The following SSBP3 variants were observed in gnomAD, a reference collection of about 807,000 sequenced individuals.
SSBP3 encodes single-stranded DNA-binding protein 3.
In SSBP3, 5 loss-of-function variants were observed where a neutral mutation model predicts 69.6. The observed-to-expected ratio is 0.07, with a 90% CI of 0.04 to 0.15. The LOEUF (loss-of-function observed/expected upper bound fraction) is 0.15. Among genes scored for constraint, SSBP3 ranks in the 10% least tolerant of loss-of-function variants. The pLI is 1.00. For missense variants in SSBP3, 312 were observed against 534.0 expected (o/e 0.58, Z 4.10); for synonymous variants, 196 against 193.4 (o/e 1.01, Z -0.11).
chr1:54,382,852 GCGC>G (rs901416031), intron 4 of SSBP3, among the ~76,000 whole-genome samples: 1 of 152,070 alleles, frequency 6.6e-6, no homozygotes, highest in Non-Finnish European at 1.5e-5. Flanking sequence ...GGGCATGGTG[GCGC>G]CTGCCTGCAA....
chr1:54,342,008 C>T (rs1381438997), intron 4 of SSBP3, among the ~76,000 whole-genome samples: 3 of 152,166 alleles, frequency 2.0e-5, no homozygotes, highest in Non-Finnish European at 4.4e-5. Context: ...GTCAGGGCTA[C>T]GAAGGCAGGC....
intron 4 of SSBP3, among the ~76,000 whole-genome samples, chr1:54,394,695 CTTTTTTTT>C (rs544898836): frequency 3.1e-5 from 3 of 97,154 alleles, no homozygotes; most frequent in African/African-American, 9.0e-5. Context: ...CTTAAGACTC[CTTTTTTTT>C]TTTTTTTTTT....
At chr1:54,316,849 C>T (rs1486052735) in intron 4 of SSBP3, among the ~76,000 whole-genome samples, 1 of 152,066 alleles carries the variant, frequency 6.6e-6, no homozygotes, top group East Asian at 1.9e-4. Flanking sequence ...TCAAGGCACT[C>T]GCAAATTTGG....
At chr1:54,397,687 T>G (rs1387646947) in intron 4 of SSBP3, among the ~76,000 whole-genome samples, 2 of 152,112 alleles carry the variant, frequency 1.3e-5, no homozygotes. Context: ...GTCATGGAAC[T>G]CCATGTCCAT....
intron 4 of SSBP3, among the ~76,000 whole-genome samples, chr1:54,385,102 G>A (rs1185980823): frequency 6.6e-6 from 1 of 152,210 alleles, no homozygotes; most frequent in Non-Finnish European, 1.5e-5. Flanking sequence ...CCTGAGCGCA[G>A]ATCCCTAGAT....
rs527734309 is a variant in SSBP3 at position 54,258,261 on chromosome 1, CG to C, written c.367-113del. ...AAACGAAGGGTGGGCGGCGGGCGTGCGGGGGGGTGGGCTCTGGTTGGTGGGA... is the reference window on the plus strand; with the variant it reads ...AAACGAAGGGTGGGCGGCGGGCGTGCGGGGGGTGGGCTCTGGTTGGTGGGA... On this transcript the variant is annotated intron_variant, in intron 5 of 17. Coordinates refer to ENST00000610401, the Ensembl canonical transcript of SSBP3. The surrounding 1 kb of genome is among the most constrained non-coding windows in gnomAD (Gnocchi z 4.5). 12 of 149,754 alleles carry C rather than the reference CG, an allele frequency of 8.0e-5. No homozygotes were observed. The highest frequency in any genetic ancestry group is 9.3e-5 in the Non-Finnish European group (7 of 75,628). 9.3% of individuals were successfully genotyped at this position (149,754 alleles called of 1,614,324 possible).
chr1:54,354,536 A>T (rs543648066), intron 4 of SSBP3, among the ~76,000 whole-genome samples: 60 of 152,172 alleles, frequency 3.9e-4, no homozygotes, highest in African/African-American at 1.3e-3. Flanking sequence ...CGGCGTTCAC[A>T]TCTAACGTGG....
intron 4 of SSBP3, among the ~76,000 whole-genome samples, chr1:54,289,023 AAAAAAAAAAAAAACAAAAAAAC>A (rs1451615097): frequency 2.6e-4 from 22 of 85,588 alleles, no homozygotes; most frequent in African/African-American, 1.1e-3. Context: ...CTGTCTCCAA[AAAAAAAAAAAAAACAAAAAAAC>A]AAAAAAAAAA....
intron 5 of SSBP3, among the ~76,000 whole-genome samples, chr1:54,276,473 T>C (rs907894149): frequency 1.3e-5 from 2 of 151,794 alleles, no homozygotes; most frequent in African/African-American, 2.4e-5. Context: ...TAGCCGGGCA[T>C]GGTGGTGAGC....
At chr1:54,375,051 A>C (rs1320456006) in intron 4 of SSBP3, among the ~76,000 whole-genome samples, 2 of 152,078 alleles carry the variant, frequency 1.3e-5, no homozygotes, top group Admixed American at 6.5e-5. Flanking sequence ...GCAGTAGAGG[A>C]GGCTGGGCCA....
intron 5 of SSBP3, among the ~76,000 whole-genome samples, chr1:54,267,014 A>C (rs1376195573): frequency 6.6e-6 from 1 of 152,208 alleles, no homozygotes; most frequent in Non-Finnish European, 1.5e-5. Flanking sequence ...GCCAGCACAA[A>C]TATTCTGGGA....
rs186592289 is a variant in SSBP3 at position 54,240,275 on chromosome 1, T to C, written c.856+630A>G. On this transcript the variant is annotated intron_variant, in intron 13 of 17. Coordinates refer to ENST00000610401, the Ensembl canonical transcript of SSBP3. ...GGAGTTCAAGGCCAGCCTGGGTACA[T>C]GGTGAAACCCCATCTCTACTAAAAA... is the stretch of plus-strand genomic sequence containing the variant. Among the ~76,000 whole-genome samples, 105 of 148,518 alleles carry C rather than the reference T, an allele frequency of 7.1e-4. 2 individuals are homozygous for C. In the East Asian group the frequency reaches 0.018, roughly 26 times the overall value.
intron 4 of SSBP3, among the ~76,000 whole-genome samples, chr1:54,347,150 T>G (rs1305370603): frequency 6.6e-6 from 1 of 152,088 alleles, no homozygotes; most frequent in East Asian, 1.9e-4. Flanking sequence ...AATTTTTACA[T>G]AGAGATGGGG....
intron 5 of SSBP3, among the ~76,000 whole-genome samples, chr1:54,276,037 G>A (rs758197195): frequency 1.3e-5 from 2 of 152,126 alleles, no homozygotes; most frequent in Non-Finnish European, 2.9e-5. Flanking sequence ...GAGTTCTCTA[G>A]GGACCTCAAC....
chr1:54,235,377 G>C (rs1032185070), intron 14 of SSBP3, among the ~76,000 whole-genome samples: 4 of 148,608 alleles, frequency 2.7e-5, no homozygotes, highest in Non-Finnish European at 3.0e-5. Flanking sequence ...CACCTCCCAG[G>C]TTCAAGCGAT....
chr1:54,352,008 G>A (rs7533651), intron 4 of SSBP3, among the ~76,000 whole-genome samples: 38,529 of 152,082 alleles, frequency 0.25, 5,105 homozygotes, highest in Non-Finnish European at 0.29. Flanking sequence ...GAAGACCCCC[G>A]ATCTTGGCCA....
intron 4 of SSBP3, among the ~76,000 whole-genome samples, chr1:54,390,216 GTTTGC>G (rs1267278388): frequency 3.3e-5 from 5 of 152,118 alleles, no homozygotes; most frequent in Non-Finnish European, 7.3e-5. Flanking sequence ...ATAAGCACTG[GTTTGC>G]TTTGTTAAAT....
rs1027031217 is a variant in SSBP3 at position 54,406,022 on chromosome 1, G to C, written c.-14C>G. 26 of 1,453,426 alleles carry C rather than the reference G, an allele frequency of 1.8e-5. No individual in the cohort carries two copies. The African/African-American group carries it at 3.4e-4, about 19-fold the overall frequency. The allele number at this position is 1,453,426 out of a possible 1,614,324, so 90.0% of individuals were successfully genotyped here. ...TTTGGCAAACATGGTTTGCAGGGAA[G>C]AGGGCGCCGAGCCTCGCCGCCGCCG... On this transcript the variant is annotated 5_prime_UTR_variant, in exon 1 of 18. Coordinates refer to ENST00000610401, the Ensembl canonical transcript of SSBP3.
chr1:54,309,998 C>G (rs576632375), intron 4 of SSBP3, among the ~76,000 whole-genome samples: 1 of 152,248 alleles, frequency 6.6e-6, no homozygotes, highest in South Asian at 2.1e-4. Flanking sequence ...TGTAGGGAAG[C>G]CCGGGCAGGC....
Sources: gnomAD v4.1 joint callset for allele counts (sites outside exome capture counted in the v4.1 genomes callset) on GRCh38, gnomAD v4.1.1 for gene constraint, Gnocchi (gnomAD v3.1) non-coding constraint, MANE v1.5 for transcripts, NCBI Gene and HGNC (gene_info 2026-07-23, HGNC 2026-07-21) for gene names.